ASPSCR1: variants seen among roughly 807,000 people sequenced by gnomAD.
ASPSCR1 encodes the protein ASPSCR1 tether for SLC2A4, UBX domain containing, also known as tether containing UBX domain for GLUT4.
In ASPSCR1, 55 loss-of-function variants were observed where a neutral mutation model predicts 68.9. The ratio of observed to expected loss-of-function variants is 0.80; its 90% CI spans 0.64 to 1.00. The LOEUF (loss-of-function observed/expected upper bound fraction) is 1.00, where lower values mean the gene tolerates loss of function less well. Ranked by LOEUF, ASPSCR1 falls within the 50% of genes least tolerant of loss-of-function variation. The pLI is 0.00. For synonymous variants in ASPSCR1, 352 were observed against 332.6 expected (o/e 1.06, Z -0.63); for missense variants, 765 against 762.2 (o/e 1.00, Z -0.04).
chr17:81,995,942 C>T (rs767474087), intron 5 of ASPSCR1, 50 bp from the exon 6 acceptor site: 1 of 1,578,550 alleles, frequency 6.3e-7, no homozygotes, highest in East Asian at 2.3e-5. Context: ...CTTCCCTGGG[C>T]TCTGGGGTCC....
intron 4 of ASPSCR1, among the ~76,000 whole-genome samples, chr17:81,991,934 C>T (rs1034392113): frequency 6.6e-6 from 1 of 152,254 alleles, no homozygotes; most frequent in African/African-American, 2.4e-5. Flanking sequence ...CGGAGCGGGG[C>T]CCCAGCGGGG....
At chr17:82,007,449 G>C (rs1009731597) in intron 7 of ASPSCR1, 1 of 152,280 alleles carries the variant, frequency 6.6e-6, no homozygotes, top group Non-Finnish European at 1.5e-5. Context: ...GAGGCACCCT[G>C]GTGTGGGCTG....
At chr17:81,996,944 A>T in intron 7 of ASPSCR1, 98 bp downstream of exon 7, 1 of 1,508,872 alleles carries the variant, frequency 6.6e-7, no homozygotes, top group Non-Finnish European at 8.8e-7. Flanking sequence ...CGTGGCCGTG[A>T]TGCGGGCAGA....
At chr17:81,991,054 G>A (rs1035336000) in intron 4 of ASPSCR1, among the ~76,000 whole-genome samples, 3 of 152,166 alleles carry the variant, frequency 2.0e-5, no homozygotes, top group Non-Finnish European at 2.9e-5. Context: ...GTGGGTGACC[G>A]AGACCTGCCG....
chr17:82,013,306 G>A (rs1485676237), intron 12 of ASPSCR1: 1 of 152,264 alleles, frequency 6.6e-6, no homozygotes, highest in African/African-American at 2.4e-5. Context: ...TGGGATGGAG[G>A]AGGACCAGTG....
intron 9 of ASPSCR1, 77 bp downstream of exon 9, chr17:82,009,644 G>A (rs2042849451): frequency 1.6e-6 from 2 of 1,221,742 alleles, no homozygotes; most frequent in South Asian, 1.4e-5. Flanking sequence ...ACGGGATGGG[G>A]CGACTGAGGC....
chr17:81,988,819 A>T (rs2042077466), intron 4 of ASPSCR1, among the ~76,000 whole-genome samples: 1 of 152,126 alleles, frequency 6.6e-6, no homozygotes, highest in African/African-American at 2.4e-5. Context: ...GTTGCAGCAG[A>T]GTGTGCAGCT....
rs1054324642 is a variant in ASPSCR1, at chr17:81,985,322, C to G, written c.274-185C>G. 4.6e-5 allele frequency among the ~76,000 whole-genome samples: 7 copies of G among 152,282 alleles called. No homozygotes were observed. In the East Asian group the frequency reaches 1.2e-3, roughly 25 times the overall value. ...CACACGCATGCTGGTGCAGCCCTGC[C>G]GGGGAGCCTCCAAGGCCCTCACTCC... On this transcript the variant is annotated intron_variant, in intron 3 of 15. Transcript: ENST00000306739.
chr17:81,983,257 G>A lies in ASPSCR1; in HGVS notation c.159-297G>A, dbSNP rs571822892. On this transcript the variant is annotated intron_variant, in intron 2 of 15. Coordinates refer to ENST00000306739, the MANE Select transcript of ASPSCR1 (RefSeq NM_024083.4). This position sits in a 1 kb window ranked among gnomAD's most constrained non-coding sequence, Gnocchi z 4.4. ...GTCGTTCTCTCTGTGTTTTCCGAGCGTCTGCACTGGGGCTGTCAGCACCCC... is the reference window on the plus strand; with the variant it reads ...GTCGTTCTCTCTGTGTTTTCCGAGCATCTGCACTGGGGCTGTCAGCACCCC... 1.3e-5 allele frequency among the ~76,000 whole-genome samples: 2 copies of A among 152,284 alleles called. No homozygotes were observed. The highest frequency in any genetic ancestry group is 2.1e-4 in the South Asian group (1 of 4,830).
Position 82,016,496 on chromosome 17 carries a change from T to C in ASPSCR1, c.1374T>C (p.Ala458=), listed in dbSNP as rs1389624635. ...TLFQANLFPA[A]LVHLGAEEPA... ...TGCAGGCGAACCTCTTCCCGGCCGC[T>C]CTGGTGCACTTGGGAGCCGAGGAGC... The change falls in exon 13 of 16, where the codon GCT becomes GCC. Residue 458 remains alanine, a synonymous_variant. Transcript: ENST00000306739. The C allele has an allele frequency of 3.2e-6, 5 of 1,547,964 alleles. No individual in the cohort carries two copies. In the Middle Eastern group the frequency reaches 8.6e-4, roughly 267 times the overall value.
rs529767824 is a variant in ASPSCR1 at position 81,999,457 on chromosome 17, T to C, written c.933+2611T>C. Among the ~76,000 whole-genome samples, 19 of 152,148 alleles carry C rather than the reference T, an allele frequency of 1.2e-4. 1 individual carries two copies. In the East Asian group the frequency reaches 3.7e-3, roughly 29 times the overall value. Reference sequence around the variant, plus strand: ...GCCTGGACAACATGGCAAAACCCTGTCTCTACCAAAAATACAAAAATTAGC... The same window carrying C: ...GCCTGGACAACATGGCAAAACCCTGCCTCTACCAAAAATACAAAAATTAGC... On this transcript the variant is annotated intron_variant, in intron 7 of 15. Coordinates refer to ENST00000306739, the MANE Select transcript of ASPSCR1 (RefSeq NM_024083.4). This position sits in a 1 kb window ranked among gnomAD's most constrained non-coding sequence, Gnocchi z 4.4.
chr17:82,010,050 C>T, intron 9 of ASPSCR1: 2 of 341,246 alleles, frequency 5.9e-6, no homozygotes, highest in Admixed American at 4.4e-5. Context: ...GCTGGGATTT[C>T]AGGTACCCGC....
chr17:81,978,712 C>T, intron 1 of ASPSCR1: 1 of 187,262 alleles, frequency 5.3e-6, no homozygotes, highest in South Asian at 8.9e-5. Flanking sequence ...TGGGGCGCTC[C>T]CGCAGAGGCT....
intron 5 of ASPSCR1, chr17:81,995,236 C>A: frequency 2.4e-6 from 1 of 424,466 alleles, no homozygotes; most frequent in East Asian, 3.6e-5. Context: ...TCGTCCCTGG[C>A]CTCACAGGGG....
At chr17:81,988,960 C>A (rs568975669) in intron 4 of ASPSCR1, among the ~76,000 whole-genome samples, 1 of 152,308 alleles carries the variant, frequency 6.6e-6, no homozygotes, top group South Asian at 2.1e-4. Context: ...GTAATCCCAG[C>A]ACTTTGGGAG....
rs544327239 is a variant in ASPSCR1 at position 81,992,082 on chromosome 17, G to T, written c.375-2739G>T. ...CTGGAGAGTGTGTGAGAGTGTGCCA[G>T]TACCCTGCTGCGAGCAGGCACCCGC... On this transcript the variant is annotated intron_variant, in intron 4 of 15. Coordinates refer to ENST00000306739, the MANE Select transcript of ASPSCR1 (RefSeq NM_024083.4). Among the ~76,000 whole-genome samples the T allele has an allele frequency of 2.0e-5, 3 of 152,342 alleles. No individual in the cohort carries two copies. The South Asian group carries it at 6.2e-4, about 32-fold the overall frequency.
intron 9 of ASPSCR1, chr17:82,009,949 C>T (rs1025814597): frequency 5.0e-5 from 12 of 241,210 alleles, no homozygotes; most frequent in East Asian, 3.3e-4. Context: ...CTCTCTCTGT[C>T]GCCCAGGCTG....
intron 6 of ASPSCR1, 24 bp from the exon 7 acceptor site, chr17:81,996,396 C>T (rs762291072): frequency 4.5e-6 from 7 of 1,560,050 alleles, no homozygotes; most frequent in African/African-American, 1.4e-5. Context: ...CAAGGTGCTT[C>T]CCTTGTCCTC....
chr17:82,009,812 G>A (rs1275140322), intron 9 of ASPSCR1: 7 of 411,812 alleles, frequency 1.7e-5, no homozygotes, highest in Admixed American at 4.1e-5. Context: ...TGGATGGGAC[G>A]TGGGGGCGAC....
Sources: gnomAD v4.1 joint callset for allele counts (sites outside exome capture counted in the v4.1 genomes callset) on GRCh38, gnomAD v4.1.1 for gene constraint, Gnocchi (gnomAD v3.1) non-coding constraint, MANE v1.5 for transcripts, NCBI Gene and HGNC (gene_info 2026-07-23, HGNC 2026-07-21) for gene names.